Variants in NR3C2 observed in about 807,000 individuals in gnomAD.
NR3C2 encodes nuclear receptor subfamily 3 group C member 2.
In NR3C2, 15 loss-of-function variants were observed where a neutral mutation model predicts 86.4. The observed-to-expected ratio is 0.17, with a 90% CI of 0.12 to 0.27. The LOEUF (loss-of-function observed/expected upper bound fraction) is 0.27. NR3C2 is among the 10% of genes least tolerant of loss of function. NR3C2 has a pLI of 1.00. For synonymous variants in NR3C2, 458 were observed against 450.5 expected (o/e 1.02, Z -0.21); for missense variants, 960 against 1,195.6 (o/e 0.80, Z 2.91).
At chr4:148,154,427 TA>T (rs1734251686) in intron 5 of NR3C2, 123 bp downstream of exon 5, 2 of 898,056 alleles carry the variant, frequency 2.2e-6, no homozygotes, top group Non-Finnish European at 3.8e-6. Context: ...GTTATCAATT[TA>T]AAAAATCTGA....
At chr4:148,173,922 G>A (rs1013890763) in intron 4 of NR3C2, among the ~76,000 whole-genome samples, 8 of 152,198 alleles carry the variant, frequency 5.3e-5, no homozygotes, top group Non-Finnish European at 1.0e-4. Context: ...CCTAGCATAA[G>A]AAGATTCATG....
chr4:148,304,774 G>C (rs1262895391), intron 2 of NR3C2, among the ~76,000 whole-genome samples: 1 of 152,138 alleles, frequency 6.6e-6, no homozygotes, highest in Admixed American at 6.5e-5. Context: ...TGAGCACTGG[G>C]AGAATGCGGT....
At chr4:148,105,902 C>T (rs4611905) in intron 8 of NR3C2, among the ~76,000 whole-genome samples, 36,499 of 152,038 alleles carry the variant, frequency 0.24, 4,458 homozygotes, top group Middle Eastern at 0.4. Context: ...CTATTTATGA[C>T]AAACCCACAG....
At chr4:148,402,179 G>A (rs1268424760) in intron 2 of NR3C2, among the ~76,000 whole-genome samples, 1 of 152,146 alleles carries the variant, frequency 6.6e-6, no homozygotes, top group South Asian at 2.1e-4. Context: ...AAGCCTCACG[G>A]ACAGTAGACA....
chr4:148,357,240 A>C (rs2149999168), intron 2 of NR3C2, among the ~76,000 whole-genome samples: 1 of 152,274 alleles, frequency 6.6e-6, no homozygotes, highest in East Asian at 1.9e-4. Flanking sequence ...AGCTTACAAA[A>C]ATGATTGTTA....
intron 2 of NR3C2, among the ~76,000 whole-genome samples, chr4:148,370,758 T>G (rs771604537): frequency 6.6e-6 from 1 of 152,128 alleles, no homozygotes; most frequent in Non-Finnish European, 1.5e-5. Context: ...TACCAGTAAG[T>G]ATTTATTTAG....
intron 5 of NR3C2, 87 bp from the exon 6 acceptor site, chr4:148,152,700 C>CA: frequency 1.5e-6 from 2 of 1,311,020 alleles, no homozygotes; most frequent in Non-Finnish European, 2.2e-6. Context: ...CCCCAAACAG[C>CA]CACCTTTCTT....
At chr4:148,357,814 GGCATGTTAAAA>G (rs1309671860) in intron 2 of NR3C2, among the ~76,000 whole-genome samples, 10 of 151,906 alleles carry the variant, frequency 6.6e-5, no homozygotes, top group African/African-American at 2.4e-4. Flanking sequence ...TTTAGTTCCT[GGCATGTTAAAA>G]GCAAGGCAAA....
intron 2 of NR3C2, among the ~76,000 whole-genome samples, chr4:148,321,566 A>G (rs962555824): frequency 1.3e-5 from 2 of 152,054 alleles, no homozygotes; most frequent in African/African-American, 4.8e-5. Context: ...GTGCTCCTGT[A>G]TTGGGTGCAT....
intron 4 of NR3C2, among the ~76,000 whole-genome samples, chr4:148,190,232 T>C (rs1337006572): frequency 1.3e-5 from 2 of 152,208 alleles, no homozygotes; most frequent in Non-Finnish European, 2.9e-5. Flanking sequence ...TGATAGGTTG[T>C]GTCATTACTG....
rs1346230095 is a variant in NR3C2 at position 148,296,065 on chromosome 4, A to AAAAAAAG, written c.1758-35949_1758-35948insCTTTTTT. On this transcript the variant is annotated intron_variant, in intron 2 of 8. Transcript: ENST00000358102. ...AGGCCAAAAAAAAAAAAAAAAAAAA[A>AAAAAAAG]AGAGAGAATGTTCATCAAGACAGGG... Among the ~76,000 whole-genome samples the AAAAAAAG allele has an allele frequency of 1.3e-4, 19 of 151,306 alleles. 1 individual carries two copies. Among genetic ancestry groups the AAAAAAAG allele is most frequent in the African/African-American group, 4.4e-4 (18 of 41,236 alleles).
intron 2 of NR3C2, among the ~76,000 whole-genome samples, chr4:148,301,971 G>A (rs1279064864): frequency 1.3e-5 from 2 of 152,134 alleles, no homozygotes; most frequent in Non-Finnish European, 2.9e-5. Flanking sequence ...TAATGTCTGA[G>A]TATATGCTAT....
intron 4 of NR3C2, among the ~76,000 whole-genome samples, chr4:148,175,896 T>A (rs779966045): frequency 6.6e-6 from 1 of 152,240 alleles, no homozygotes; most frequent in Non-Finnish European, 1.5e-5. Context: ...CTCGGGAGGC[T>A]GAGGCGGGAG....
chr4:148,149,715 A>T (rs1053521000), intron 6 of NR3C2, among the ~76,000 whole-genome samples: 1 of 152,222 alleles, frequency 6.6e-6, no homozygotes, highest in African/African-American at 2.4e-5. Flanking sequence ...GTACAAAAAG[A>T]CATACAATCC....
chr4:148,367,911 A>ACCTGCTAT (rs2126360821), intron 2 of NR3C2, among the ~76,000 whole-genome samples: 1 of 150,680 alleles, frequency 6.6e-6, no homozygotes, highest in African/African-American at 2.4e-5. Context: ...TCTGCAAGTT[A>ACCTGCTAT]CCTGCTATCC....
chr4:148,142,779 C>T (rs1051542598), intron 6 of NR3C2, among the ~76,000 whole-genome samples: 6 of 152,200 alleles, frequency 3.9e-5, no homozygotes, highest in African/African-American at 1.2e-4. Context: ...GTATTACAGG[C>T]GTGAGCCACC....
At chr4:148,220,187 C>T (rs538220523) in intron 3 of NR3C2, among the ~76,000 whole-genome samples, 4 of 151,962 alleles carry the variant, frequency 2.6e-5, no homozygotes, top group East Asian at 1.9e-4. Flanking sequence ...ACTGGGTTCA[C>T]GTGATCCTCC....
intron 2 of NR3C2, among the ~76,000 whole-genome samples, chr4:148,318,075 T>A (rs1202097445): frequency 2.9e-4 from 41 of 143,272 alleles, no homozygotes; most frequent in Non-Finnish European, 5.1e-4. Context: ...CCTTCCTGTG[T>A]CCATGTGATC....
At chr4:148,136,650 C>G (rs1412312947) in intron 6 of NR3C2, among the ~76,000 whole-genome samples, 2 of 152,076 alleles carry the variant, frequency 1.3e-5, no homozygotes, top group Admixed American at 1.3e-4. Flanking sequence ...GAAGAGTCAC[C>G]TGCTTTTTTT....
Sources: allele counts gnomAD v4.1 joint callset (sites outside exome capture counted in the v4.1 genomes callset), GRCh38; gene constraint gnomAD v4.1.1; transcripts MANE v1.5; gene names NCBI Gene and HGNC (gene_info 2026-07-23, HGNC 2026-07-21).